PRDX5: variants seen among roughly 807,000 people sequenced by gnomAD.
PRDX5 encodes peroxiredoxin-5, mitochondrial.
Under a neutral mutation model 23.8 loss-of-function variants are expected in PRDX5, and 21 were observed. The observed-to-expected ratio is 0.88, with a 90% confidence interval of 0.63 to 1.27. PRDX5 has a LOEUF of 1.27. PRDX5 is among the 50% of genes most tolerant of loss of function. The pLI is 0.00. For missense variants in PRDX5, 261 were observed against 270.6 expected, an observed-to-expected ratio of 0.96 and a Z score of 0.25; for synonymous variants, 111 against 113.3, an observed-to-expected ratio of 0.98 and a Z score of 0.13.
chr11:64,318,141 TGTGCCGCTAGCG>T lies in PRDX5; in HGVS notation c.-69_-58del, dbSNP rs936012017. The T allele has an allele frequency of 2.4e-5, 38 of 1,585,998 alleles. No individual in the cohort carries two copies. The African/African-American group carries it at 4.5e-4, about 19-fold the overall frequency. ...CCCGCCTTCCGCAGGGTGTCGCCGC[TGTGCCGCTAGCG>T]GTGCCCCGCCTGCTGCGGTGGCACC... On this transcript the variant is annotated 5_prime_UTR_variant, in exon 1 of 6. Coordinates refer to ENST00000265462, the MANE Select transcript of PRDX5 (RefSeq NM_012094.5).
In PRDX5 at chr11:64,320,666, C is replaced by G; in HGVS notation, c.312C>G (p.His104Gln). 2 of 1,595,650 alleles carry G rather than the reference C, an allele frequency of 1.3e-6. No homozygotes were observed. The highest frequency in any genetic ancestry group is 1.1e-5 in the South Asian group (1 of 89,158). The change falls in exon 3 of 6, where the codon CAC becomes CAG. Residue 104 changes from histidine (H) to glutamine (Q), a missense_variant. By Grantham distance (24) the His-to-Gln change is conservative (BLOSUM62 0). Transcript: ENST00000265462. ...CCTTTGTTCCCCTTCCTCAGACACA[C>G]CTGCCAGGGTTTGTGGAGCAGGCTG... Reference protein sequence around the residue: ...GAFTPGCSKTHLPGFVEQAEA... With the variant: ...GAFTPGCSKTQLPGFVEQAEA...
intron 2 of PRDX5, among the ~76,000 whole-genome samples, chr11:64,320,289 A>G (rs576041613): frequency 1.3e-5 from 2 of 152,256 alleles, no homozygotes; most frequent in African/African-American, 4.8e-5. Context: ...AAAATGAAAA[A>G]AAAAAAAAAG....
In PRDX5 at chr11:64,321,571, C is replaced by G; in HGVS notation, c.540-15C>G. On this transcript the variant is annotated splice_polypyrimidine_tract_variant and intron_variant, in intron 5 of 5. Transcript: ENST00000265462. ...CCCAGGCTGATGCAGCTGGCTGGGC[C>G]CCTCTTTCCGGCAGGTTCTCCATGG... The G allele has an allele frequency of 1.2e-6, 2 of 1,610,946 alleles. No homozygotes were observed. The highest frequency in any genetic ancestry group is 1.1e-5 in the South Asian group (1 of 90,852).
Position 64,319,841 on chromosome 11 carries a change from T to G in PRDX5, c.279T>G (p.Pro93=). ...AGAAGGGTGTGCTGTTTGGAGTTCC[T>G]GGGGCCTTCACCCCTGGATGTTCCA... is the stretch of plus-strand genomic sequence containing the variant. ...KGKKGVLFGV[P]GAFTPGCSKT... The change falls in exon 2 of 6, where the codon CCT becomes CCG. Residue 93 remains proline, a synonymous_variant. Transcript: ENST00000265462. The G allele has an allele frequency of 6.2e-7, 1 of 1,614,148 alleles. No individual in the cohort carries two copies. Among genetic ancestry groups the G allele is most frequent in the African/African-American group, 1.3e-5 (1 of 75,066 alleles).
In PRDX5 at chr11:64,321,592, C is replaced by T. The variant is rs1289026627; in HGVS notation, c.546C>T (p.Ser182=). ...IFGNRRLKRF[S]MVVQDGIVKA... ...GGGCCCCTCTTTCCGGCAGGTTCTC[C>T]ATGGTGGTACAGGATGGCATAGTGA... Residue 182 remains serine (S), a synonymous_variant, in exon 6 of 6, where the codon TCC becomes TCT. Transcript: ENST00000265462. 5.6e-6 allele frequency: 9 copies of T among 1,612,980 alleles called. No homozygotes were observed. Among genetic ancestry groups the T allele is most frequent in the Non-Finnish European group, 7.6e-6 (9 of 1,179,408 alleles).
intron 2 of PRDX5, 130 bp downstream of exon 2, chr11:64,319,998 A>T: frequency 7.4e-7 from 1 of 1,356,002 alleles, no homozygotes. Context: ...AGCTGGGTAG[A>T]GCTGGGCGCG....
At chr11:64,321,189 T>C (rs2035488748) in intron 5 of PRDX5, 121 bp downstream of exon 5, 2 of 1,167,608 alleles carry the variant, frequency 1.7e-6, no homozygotes, top group Admixed American at 1.8e-5. Context: ...GAGTCCTCTG[T>C]GTGGGAGAGT....
intron 1 of PRDX5, among the ~76,000 whole-genome samples, chr11:64,319,248 C>T (rs892197264): frequency 3.3e-5 from 5 of 152,036 alleles, no homozygotes; most frequent in African/African-American, 4.8e-5. Flanking sequence ...TTGTTCTACA[C>T]CTCCTGGGTG....
In PRDX5 at chr11:64,320,909, T is replaced by G. The variant is rs1259901581; in HGVS notation, c.477+6T>G. On this transcript the variant is annotated splice_donor_region_variant and intron_variant, in intron 4 of 5. Transcript: ENST00000265462. ...CCACTGGGGCCTTTGGGAAGGTGAG[T>G]GTTCCCCTGACCGCCACAGGGACAT... The G allele has an allele frequency of 6.2e-7, 1 of 1,614,044 alleles. No homozygotes were observed. Among genetic ancestry groups the G allele is most frequent in the African/African-American group, 1.3e-5 (1 of 74,920 alleles).
rs775490369 is a variant in PRDX5, at chr11:64,321,077, GGAGAGTCCTCTGTGGA to G, written c.539+25_539+40del. ...AATCGACGTCTCAAGAGGTAAAAGT[GGAGAGTCCTCTGTGGA>G]GAGAGTCCTCTGTGGGAGAGAGTCC... On this transcript the variant is annotated intron_variant, in intron 5 of 5. Coordinates refer to ENST00000265462, the MANE Select transcript of PRDX5 (RefSeq NM_012094.5). 23 of 1,611,608 alleles carry G rather than the reference GGAGAGTCCTCTGTGGA, an allele frequency of 1.4e-5. No homozygotes were observed. Among genetic ancestry groups the G allele is most frequent in the Middle Eastern group, 1.8e-4 (1 of 5,514 alleles).
chr11:64,318,517 T>C, intron 1 of PRDX5, 131 bp downstream of exon 1: 1 of 1,224,222 alleles, frequency 8.2e-7, no homozygotes, highest in Non-Finnish European at 1.1e-6. Flanking sequence ...GCTCATCCCT[T>C]CAGAAGGCCC....
chr11:64,320,933 A>G (rs372667266), intron 4 of PRDX5, 30 bp downstream of exon 4: 66 of 1,613,886 alleles, frequency 4.1e-5, no homozygotes, highest in Non-Finnish European at 5.4e-5. Context: ...CCACAGGGAC[A>G]TGGCAGTGCG....
At chr11:64,319,283 A>G (rs906402894) in intron 1 of PRDX5, among the ~76,000 whole-genome samples, 6 of 151,762 alleles carry the variant, frequency 4.0e-5, no homozygotes, top group Admixed American at 6.6e-5. Context: ...CCCTCCCCCA[A>G]CGTTCCACCT....
In PRDX5 at chr11:64,318,304, C is replaced by G; in HGVS notation, c.89C>G (p.Ala30Gly). 3 of 1,612,596 alleles carry G rather than the reference C, an allele frequency of 1.9e-6. No homozygotes were observed. Among genetic ancestry groups the G allele is most frequent in the Non-Finnish European group, 1.7e-6 (2 of 1,179,848 alleles). The change falls in exon 1 of 6, where the codon GCA becomes GGA. Residue 30 changes from alanine to glycine, a missense_variant. Coordinates refer to ENST00000265462, the MANE Select transcript of PRDX5 (RefSeq NM_012094.5). ...GAGGQSAAAA[A>G]RRYSEGEWAS... ...GGCGGTCAGTCTGCGGCAGCGGCAGCAAGACGGTACAGTGAAGGAGAGTGG... is the reference window on the plus strand; with the variant it reads ...GGCGGTCAGTCTGCGGCAGCGGCAGGAAGACGGTACAGTGAAGGAGAGTGG...
chr11:64,319,057 C>T (rs184809876), intron 1 of PRDX5, among the ~76,000 whole-genome samples: 1 of 151,972 alleles, frequency 6.6e-6, no homozygotes, highest in East Asian at 1.9e-4. Flanking sequence ...GGGCCTTGGA[C>T]CTTCCCCCTT....
chr11:64,318,534 C>G lies in PRDX5; in HGVS notation c.171+148C>G, dbSNP rs566585721. Reference sequence around the variant, plus strand: ...TCATCCCTTCAGAAGGCCCTCGTGGCTGCCCACCTTTCTCGCCAATCGTGG... The same window carrying G: ...TCATCCCTTCAGAAGGCCCTCGTGGGTGCCCACCTTTCTCGCCAATCGTGG... On this transcript the variant is annotated intron_variant, in intron 1 of 5. Transcript: ENST00000265462. The G allele has an allele frequency of 4.5e-5, 47 of 1,052,616 alleles. 1 individual carries two copies. In the Admixed American group the frequency reaches 1.0e-3, roughly 23 times the overall value. The allele number at this position is 1,052,616 out of a possible 1,614,324, so 65.2% of individuals were successfully genotyped here.
At position 64,318,273 on chromosome 11, in the gene PRDX5, G is replaced by T; in HGVS notation, c.58G>T (p.Gly20Trp). ...RRSAGYILVG[G>W]AGGQSAAAAA... ...CTCAGCGGGCTATATACTCGTCGGTGGGGCCGGCGGTCAGTCTGCGGCAGC... is the reference window on the plus strand; with the variant it reads ...CTCAGCGGGCTATATACTCGTCGGTTGGGCCGGCGGTCAGTCTGCGGCAGC... Residue 20 changes from glycine (G) to tryptophan (W), a missense_variant, in exon 1 of 6, where the codon GGG (glycine) becomes TGG (tryptophan). Transcript: ENST00000265462. The T allele has an allele frequency of 6.2e-7, 1 of 1,612,448 alleles. No homozygotes were observed. The highest frequency in any genetic ancestry group is 1.7e-5 in the Admixed American group (1 of 60,024).
chr11:64,320,265 C>T (rs1244719381), intron 2 of PRDX5, among the ~76,000 whole-genome samples: 4 of 146,980 alleles, frequency 2.7e-5, no homozygotes, highest in Non-Finnish European at 4.5e-5. Context: ...GGTGAAAGAG[C>T]GAGACTCCGT....
At chr11:64,320,576 G>A (rs1290415362) in intron 2 of PRDX5, 85 bp from the exon 3 acceptor site, 5 of 1,511,142 alleles carry the variant, frequency 3.3e-6, no homozygotes, top group African/African-American at 1.4e-5. Context: ...TTGAGGCAGA[G>A]CACTGAGGAG....
Sources: allele counts gnomAD v4.1 joint callset (sites outside exome capture counted in the v4.1 genomes callset), GRCh38; gene constraint gnomAD v4.1.1; transcripts MANE v1.5; gene names NCBI Gene and HGNC (gene_info 2026-07-23, HGNC 2026-07-21).